COL5A1: variants seen among roughly 807,000 people sequenced by gnomAD.
COL5A1 encodes the protein collagen type V alpha 1 chain.
Under a neutral mutation model 263.7 loss-of-function variants are expected in COL5A1, and 16 were observed. That is an observed-to-expected ratio of 0.06 (90% CI 0.04 to 0.09). The LOEUF is 0.09. Ranked by LOEUF, COL5A1 falls within the 10% of genes least tolerant of loss-of-function variation. The pLI is 1.00. For synonymous variants in COL5A1, 1,012 were observed against 1,004.5 expected (o/e 1.01, Z -0.14); for missense variants, 2,036 against 2,540.5 (o/e 0.80, Z 4.27).
chr9:134,827,085 C>G (rs1237330229), intron 63 of COL5A1, among the ~76,000 whole-genome samples: 1 of 152,214 alleles, frequency 6.6e-6, no homozygotes, highest in African/African-American at 2.4e-5. Context: ...TGGCCCCAGG[C>G]AAAGGCCGCC....
intron 7 of COL5A1, among the ~76,000 whole-genome samples, chr9:134,730,916 C>T (rs1016022692): frequency 2.6e-5 from 4 of 152,110 alleles, no homozygotes; most frequent in East Asian, 1.9e-4. Context: ...CTGGCTGGGA[C>T]GGGGGCTGAC....
rs114582516 is a variant in COL5A1, at chr9:134,651,927, C to A, written c.109+9631C>A. The stretch of plus-strand genomic sequence containing the variant: ...CTTCCTGTGCTATTTCTCTGCTCTT[C>A]CCCTGGGGAAAGGAGAGTGAGGAGA... On this transcript the variant is annotated intron_variant, in intron 1 of 65. Transcript: ENST00000371817. Among the ~76,000 whole-genome samples, 229 of 152,292 alleles carry A rather than the reference C, an allele frequency of 1.5e-3. 1 individual carries two copies. Among genetic ancestry groups the A allele is most frequent in the African/African-American group, 3.9e-3 (162 of 41,560 alleles).
intron 64 of COL5A1, 129 bp downstream of exon 64, chr9:134,830,173 C>T (rs774487789): frequency 1.6e-5 from 25 of 1,609,438 alleles, no homozygotes; most frequent in Non-Finnish European, 2.0e-5. Flanking sequence ...AGCGGGGGTC[C>T]CTGGTAAGTG....
chr9:134,668,840 C>T (rs927650295), intron 1 of COL5A1, among the ~76,000 whole-genome samples: 14 of 152,004 alleles, frequency 9.2e-5, no homozygotes, highest in African/African-American at 2.9e-4. Flanking sequence ...TTCAACCAAC[C>T]ATCCAACTGT....
intron 4 of COL5A1, among the ~76,000 whole-genome samples, chr9:134,707,312 C>T (rs569924357): frequency 9.2e-5 from 14 of 152,314 alleles, no homozygotes; most frequent in Non-Finnish European, 7.4e-5. Flanking sequence ...TGGGTGCTGG[C>T]GGGAAAGTGA....
chr9:134,683,862 C>T (rs770481930), intron 1 of COL5A1, among the ~76,000 whole-genome samples: 1 of 152,232 alleles, frequency 6.6e-6, no homozygotes, highest in Non-Finnish European at 1.5e-5. Context: ...GACCCGTTCC[C>T]CACTGGGGAG....
At chr9:134,748,947 A>G (rs757922895) in intron 11 of COL5A1, among the ~76,000 whole-genome samples, 2 of 152,248 alleles carry the variant, frequency 1.3e-5, no homozygotes, top group Non-Finnish European at 2.9e-5. Flanking sequence ...AGTATCATTA[A>G]AAAGAAAGAG....
intron 37 of COL5A1, among the ~76,000 whole-genome samples, chr9:134,800,008 G>A (rs1221154091): frequency 6.6e-6 from 1 of 152,170 alleles, no homozygotes; most frequent in East Asian, 1.9e-4. Flanking sequence ...GTCTCTGAGA[G>A]CCACTTGGGA....
chr9:134,647,271 T>C lies in COL5A1; in HGVS notation c.109+4975T>C, dbSNP rs1324149911. On this transcript the variant is annotated intron_variant, in intron 1 of 65. Coordinates refer to ENST00000371817, the MANE Select transcript of COL5A1 (RefSeq NM_000093.5). The surrounding 1 kb of genome is among the most constrained non-coding windows in gnomAD (Gnocchi z 5.0). ...TTCTTTGCTTTCCCACGGAACCTCA[T>C]GGGGTCATTGTCCAGGCCGTGGGGT... Among the ~76,000 whole-genome samples the C allele has an allele frequency of 1.3e-5, 2 of 152,134 alleles. No homozygotes were observed. The highest frequency in any genetic ancestry group is 2.4e-5 in the African/African-American group (1 of 41,440).
chr9:134,742,153 C>T lies in COL5A1; in HGVS notation c.1494+3345C>T, dbSNP rs915709711. Among the ~76,000 whole-genome samples the T allele has an allele frequency of 1.8e-4, 28 of 152,328 alleles. No homozygotes were observed. The highest frequency in any genetic ancestry group is 5.8e-4 in the African/African-American group (24 of 41,574). On this transcript the variant is annotated intron_variant, in intron 11 of 65. Transcript: ENST00000371817. This position sits in a 1 kb window ranked among gnomAD's most constrained non-coding sequence, Gnocchi z 4.6. ...TTCACACACTCTGGTGAGCCCTGCA[C>T]ACTCTCCCGCTGCTCCCCTTGGATG... is the stretch of plus-strand genomic sequence containing the variant.
At position 134,642,369 on chromosome 9, in the gene COL5A1, G is replaced by A. The variant is rs1831322535; in HGVS notation, c.109+73G>A. ...CCGGGCGCCGCTGTCATCCCCGGGC[G>A]CCTTCGCCCGCAGAACTTTTCTTCC... On this transcript the variant is annotated intron_variant, in intron 1 of 65. Transcript: ENST00000371817. This position sits in a 1 kb window ranked among gnomAD's most constrained non-coding sequence, Gnocchi z 4.5. The A allele has an allele frequency of 3.0e-6, 1 of 328,696 alleles. No individual in the cohort carries two copies. The highest frequency in any genetic ancestry group is 5.1e-6 in the Non-Finnish European group (1 of 197,868). 20.4% of individuals were successfully genotyped at this position (328,696 alleles called of 1,614,324 possible). A position where few individuals can be genotyped will look rare whatever the true frequency, so the allele number is the denominator to read the frequency against.
chr9:134,822,650 G>C (rs1384919595), intron 59 of COL5A1, among the ~76,000 whole-genome samples: 3 of 151,478 alleles, frequency 2.0e-5, no homozygotes, highest in African/African-American at 7.3e-5. Flanking sequence ...GGCCCCTGCT[G>C]TGTGCTATCA....
At chr9:134,734,367 C>G (rs1835019873) in intron 9 of COL5A1, among the ~76,000 whole-genome samples, 1 of 152,222 alleles carries the variant, frequency 6.6e-6, no homozygotes, top group Admixed American at 6.5e-5. Context: ...GATTCCCTCC[C>G]CCGGGCCCCA....
chr9:134,742,967 C>T lies in COL5A1; in HGVS notation c.1494+4159C>T, dbSNP rs779790289. On this transcript the variant is annotated intron_variant, in intron 11 of 65. Coordinates refer to ENST00000371817, the MANE Select transcript of COL5A1 (RefSeq NM_000093.5). This position sits in a 1 kb window ranked among gnomAD's most constrained non-coding sequence, Gnocchi z 4.6. Reference sequence around the variant, plus strand: ...CCGCCTTCCATGGACTTCCAGGGCCCACACCTGCTAGCCTCGATAGAAACA... The same window carrying T: ...CCGCCTTCCATGGACTTCCAGGGCCTACACCTGCTAGCCTCGATAGAAACA... 6.6e-6 allele frequency among the ~76,000 whole-genome samples: 1 copy of T among 152,178 alleles called. No homozygotes were observed. The highest frequency in any genetic ancestry group is 2.1e-4 in the South Asian group (1 of 4,834).
intron 1 of COL5A1, among the ~76,000 whole-genome samples, chr9:134,653,961 AGGGTGTGTAGGGCTGGAAGTGTATAGG>A (rs1831789787): frequency 2.8e-5 from 1 of 35,676 alleles, no homozygotes; most frequent in African/African-American, 1.2e-4. Flanking sequence ...TGTAGGGCTG[AGGGTGTGTAGGGCTGGAAGTGTATAGG>A]GCTGGTGTGT....
At chr9:134,732,198 G>A in intron 9 of COL5A1, 71 bp downstream of exon 9, 2 of 1,537,158 alleles carry the variant, frequency 1.3e-6, no homozygotes, top group Non-Finnish European at 1.8e-6. Flanking sequence ...GGGTGTGTAG[G>A]GTGTGAACAG....
chr9:134,704,413 T>C (rs1299512241), intron 4 of COL5A1, among the ~76,000 whole-genome samples: 1 of 152,144 alleles, frequency 6.6e-6, no homozygotes, highest in East Asian at 1.9e-4. Flanking sequence ...AGGTAACGTG[T>C]GGTTTTCAAA....
At chr9:134,810,592 GAC>G (rs1489444980) in intron 44 of COL5A1, 2 of 460,830 alleles carry the variant, frequency 4.3e-6, no homozygotes, top group Non-Finnish European at 7.7e-6. Context: ...GGGTTCTGCA[GAC>G]ACACCCATTG....
rs762405556 is a variant in COL5A1, at chr9:134,754,238, C to T, written c.1774-35C>T. 1 of 1,609,548 alleles carries T rather than the reference C, an allele frequency of 6.2e-7. No individual in the cohort carries two copies. On this transcript the variant is annotated intron_variant, in intron 15 of 65. Transcript: ENST00000371817. The surrounding 1 kb of genome is among the most constrained non-coding windows in gnomAD (Gnocchi z 4.3). ...TGCTCTTTCTCCTGAGAAAGGCGGACTCGCCACTGACCCTTTGTCTCTTAC... is the reference window on the plus strand; with the variant it reads ...TGCTCTTTCTCCTGAGAAAGGCGGATTCGCCACTGACCCTTTGTCTCTTAC...
Sources: allele counts gnomAD v4.1 joint callset (sites outside exome capture counted in the v4.1 genomes callset), GRCh38; gene constraint gnomAD v4.1.1; non-coding constraint Gnocchi (gnomAD v3.1); transcripts MANE v1.5; gene names NCBI Gene and HGNC (gene_info 2026-07-23, HGNC 2026-07-21).